Variants in PAK3 observed in about 807,000 individuals in gnomAD.
PAK3 encodes serine/threonine-protein kinase PAK 3.
PAK3 carries 4 observed loss-of-function variants against 41.0 expected under a neutral mutation model. The observed-to-expected ratio is 0.10, with a 90% CI of 0.05 to 0.22. The LOEUF (loss-of-function observed/expected upper bound fraction) is 0.22. Ranked by LOEUF, PAK3 falls within the 10% of genes least tolerant of loss-of-function variation. The pLI is 1.00. For synonymous variants in PAK3, 146 were observed against 139.6 expected (o/e 1.05, Z -0.32); for missense variants, 205 against 409.9 (o/e 0.50, Z 4.32).
At chrX:111,123,797 A>G (rs375142633) in intron 5 of PAK3, among the ~76,000 whole-genome samples, 3 of 111,458 alleles carry the variant, frequency 2.7e-5, no homozygotes, top group African/African-American at 9.8e-5. Context: ...TCATTCTTCA[A>G]CCTGTTTTCC....
At chrX:111,128,884 GA>G (rs1281267103) in intron 5 of PAK3, among the ~76,000 whole-genome samples, 1 of 111,881 alleles carries the variant, frequency 8.9e-6, no homozygotes, top group Admixed American at 9.5e-5. Context: ...TTGTAGGTTA[GA>G]TTTTTTTGGT....
At chrX:111,076,718 A>T (rs1315357224) in intron 1 of PAK3, among the ~76,000 whole-genome samples, 1 of 112,335 alleles carries the variant, frequency 8.9e-6, no homozygotes, top group Admixed American at 9.4e-5. Context: ...CTAACATCAT[A>T]CTTAGCAGTG....
At chrX:111,151,906 A>T (rs2094033430) in intron 7 of PAK3, among the ~76,000 whole-genome samples, 2 of 112,055 alleles carry the variant, frequency 1.8e-5, no homozygotes, top group African/African-American at 6.5e-5. Flanking sequence ...CAGAGTAGGT[A>T]CACTGGACAA....
At chrX:111,151,609 A>G (rs186421249) in intron 7 of PAK3, among the ~76,000 whole-genome samples, 3 of 112,247 alleles carry the variant, frequency 2.7e-5, no homozygotes, top group East Asian at 5.6e-4. Context: ...AAGATCTCCA[A>G]TGGATGCCTG....
At chrX:111,191,281 TAG>T (rs2094558388) in intron 11 of PAK3, among the ~76,000 whole-genome samples, 1 of 111,059 alleles carries the variant, frequency 9.0e-6, no homozygotes, top group Non-Finnish European at 1.9e-5. Flanking sequence ...AAATTTTTCA[TAG>T]AGACTGGATC....
intron 11 of PAK3, among the ~76,000 whole-genome samples, chrX:111,181,734 ATTTT>A (rs755826208): frequency 8.3e-5 from 8 of 95,958 alleles, no homozygotes; most frequent in African/African-American, 1.5e-4. Context: ...AAAACCTCTG[ATTTT>A]TTTTTTTTTT....
At chrX:111,172,404 GTAAA>G (rs1464530386) in intron 10 of PAK3, among the ~76,000 whole-genome samples, 1 of 111,476 alleles carries the variant, frequency 9.0e-6, no homozygotes, top group East Asian at 2.8e-4. Flanking sequence ...TGTTACATGG[GTAAA>G]TTGTGTGATG....
At chrX:111,076,085 C>T (rs1258749644) in intron 1 of PAK3, among the ~76,000 whole-genome samples, 1 of 112,079 alleles carries the variant, frequency 8.9e-6, no homozygotes, top group African/African-American at 3.2e-5. Context: ...TTTTATCTCA[C>T]AGGCTCATAG....
intron 1 of PAK3, among the ~76,000 whole-genome samples, chrX:110,949,247 T>A (rs1209530759): frequency 9.0e-6 from 1 of 111,278 alleles, no homozygotes; most frequent in African/African-American, 3.3e-5. Flanking sequence ...AGGTTTCTAG[T>A]GGAGACCTAA....
intron 1 of PAK3, among the ~76,000 whole-genome samples, chrX:111,062,948 A>G (rs1379714455): frequency 9.2e-6 from 1 of 108,129 alleles, no homozygotes; most frequent in East Asian, 2.9e-4. Flanking sequence ...TCCCCTTTCC[A>G]TGCTATACTG....
In PAK3 at chrX:111,221,587, ATTTAT is replaced by A. The variant is rs1376742132; in HGVS notation, c.*1144_*1148del. On this transcript the variant is annotated 3_prime_UTR_variant, in exon 18 of 18. Coordinates refer to ENST00000372007, the MANE Select transcript of PAK3 (RefSeq NM_002578.5). The stretch of plus-strand genomic sequence containing the variant: ...TCATCATTTACTTATGATACAAATT[ATTTAT>A]TTTGACAATTTATAACGTTTAAAAA... The A allele has an allele frequency of 2.7e-5, 3 of 112,311 alleles. No individual in the cohort carries two copies. Among genetic ancestry groups the A allele is most frequent in the Admixed American group, 9.4e-5 (1 of 10,600 alleles). 9.3% of individuals were successfully genotyped at this position (112,311 alleles called of 1,213,427 possible).
chrX:111,162,877 G>A, intron 8 of PAK3, 38 bp from the exon 9 acceptor site: 2 of 1,166,711 alleles, frequency 1.7e-6, no homozygotes, highest in South Asian at 1.8e-5. Context: ...ACAATGAGGA[G>A]TTAATACCTG....
chrX:111,082,819 T>A (rs5942713), intron 1 of PAK3, among the ~76,000 whole-genome samples: 4 of 110,030 alleles, frequency 3.6e-5, no homozygotes, highest in African/African-American at 9.9e-5. Flanking sequence ...GATATTCTCC[T>A]GTATATTTTT....
At chrX:111,102,710 G>A (rs1475867515) in intron 3 of PAK3, among the ~76,000 whole-genome samples, 1 of 112,150 alleles carries the variant, frequency 8.9e-6, no homozygotes, top group East Asian at 2.8e-4. Flanking sequence ...TATACACATT[G>A]CTCCATAATT....
chrX:111,200,541 G>T (rs190066606), intron 16 of PAK3, among the ~76,000 whole-genome samples: 25 of 112,367 alleles, frequency 2.2e-4, no homozygotes, highest in African/African-American at 8.1e-4. Flanking sequence ...CACCGTTTGT[G>T]GGTTAGCCCT....
chrX:111,174,035 T>C (rs1016920031), intron 11 of PAK3, among the ~76,000 whole-genome samples: 5 of 111,176 alleles, frequency 4.5e-5, no homozygotes, highest in African/African-American at 1.6e-4. Flanking sequence ...AGACAAAGGG[T>C]TACAGCCAAT....
chrX:110,963,459 G>A (rs955694141), intron 1 of PAK3, among the ~76,000 whole-genome samples: 1 of 111,893 alleles, frequency 8.9e-6, no homozygotes, highest in Non-Finnish European at 1.9e-5. Context: ...CCTATAAAAA[G>A]GGAAATTTGC....
chrX:110,989,966 A>T (rs1436745310), intron 1 of PAK3, among the ~76,000 whole-genome samples: 1 of 112,271 alleles, frequency 8.9e-6, no homozygotes, highest in East Asian at 2.8e-4. Context: ...TCAACTGAGG[A>T]TATTGCCTCT....
chrX:111,026,365 G>C (rs1296110036), intron 1 of PAK3, among the ~76,000 whole-genome samples: 4 of 111,437 alleles, frequency 3.6e-5, no homozygotes, highest in Admixed American at 2.9e-4. Context: ...AAGTCAAGCT[G>C]TCCCTATTTG....
Sources: gnomAD v4.1 joint callset for allele counts (sites outside exome capture counted in the v4.1 genomes callset) on GRCh38, gnomAD v4.1.1 for gene constraint, MANE v1.5 for transcripts, NCBI Gene and HGNC (gene_info 2026-07-23, HGNC 2026-07-21) for gene names.